The following SLC36A3 variants were observed in gnomAD, a reference collection of about 807,000 sequenced individuals.
SLC36A3 encodes solute carrier family 36 member 3, also known as proton-coupled amino acid transporter 3.
SLC36A3 carries 35 observed loss-of-function variants against 44.3 expected under a neutral mutation model. The observed-to-expected ratio is 0.79, with a 90% CI of 0.60 to 1.05. The LOEUF (loss-of-function observed/expected upper bound fraction) is 1.05, where lower values mean the gene tolerates loss of function less well. Among genes scored for constraint, SLC36A3 ranks in the 50% least tolerant of loss-of-function variants. The pLI, the probability that SLC36A3 is intolerant of heterozygous loss-of-function variation, is 0.00. For missense variants in SLC36A3, 540 were observed against 578.7 expected (o/e 0.93, Z 0.69); for synonymous variants, 211 against 227.6 (o/e 0.93, Z 0.66).
chr5:151,300,421 G>T (rs548845372), intron 1 of SLC36A3, among the ~76,000 whole-genome samples: 1 of 152,282 alleles, frequency 6.6e-6, no homozygotes, highest in East Asian at 1.9e-4. Context: ...CTAAGGATGG[G>T]GGGGTGGGCA....
intron 1 of SLC36A3, 28 bp from the exon 2 acceptor site, chr5:151,298,711 G>A (rs779604407): frequency 2.2e-5 from 35 of 1,610,452 alleles, no homozygotes; most frequent in Non-Finnish European, 2.7e-5. Context: ...GGGAGACAGA[G>A]GGTACTGTTA....
chr5:151,277,695 T>G (rs201805711), intron 9 of SLC36A3, 34 bp from the exon 10 acceptor site: 1 of 1,601,300 alleles, frequency 6.2e-7, no homozygotes, highest in Non-Finnish European at 8.5e-7. Context: ...AATCACTGAA[T>G]GTGCTCAGAA....
intron 5 of SLC36A3, 26 bp downstream of exon 5, chr5:151,288,360 A>C (rs1754625528): frequency 1.3e-6 from 2 of 1,557,608 alleles, no homozygotes; most frequent in Non-Finnish European, 1.7e-6. Context: ...CTTTTCCCCC[A>C]CTCTGCCCAG....
chr5:151,284,591 G>T, intron 7 of SLC36A3, 22 bp downstream of exon 7: 1 of 1,580,816 alleles, frequency 6.3e-7, no homozygotes, highest in Middle Eastern at 1.7e-4. Flanking sequence ...GGGACCATTC[G>T]CGTGAACCCC....
intron 8 of SLC36A3, among the ~76,000 whole-genome samples, chr5:151,283,363 C>A (rs977495116): frequency 6.6e-6 from 1 of 152,182 alleles, no homozygotes; most frequent in Non-Finnish European, 1.5e-5. Context: ...GTGAGGTTCA[C>A]ACCAGCAGGT....
chr5:151,291,691 GAC>G (rs1350448445), intron 4 of SLC36A3, among the ~76,000 whole-genome samples: 1 of 152,122 alleles, frequency 6.6e-6, no homozygotes, highest in Admixed American at 6.5e-5. Flanking sequence ...GCTATTATGA[GAC>G]ACACATAGCT....
chr5:151,282,217 G>A (rs529337761), intron 8 of SLC36A3, among the ~76,000 whole-genome samples: 1 of 140,094 alleles, frequency 7.1e-6, no homozygotes, highest in Admixed American at 7.6e-5. Context: ...AGGCTGAGAA[G>A]CGATGCAACG....
Position 151,293,371 on chromosome 5 carries a change from A to G in SLC36A3, c.397T>C (p.Trp133Arg). The G allele has an allele frequency of 1.2e-6, 2 of 1,613,004 alleles. No individual in the cohort carries two copies. Among genetic ancestry groups the G allele is most frequent in the Non-Finnish European group, 8.5e-7 (1 of 1,179,316 alleles). Residue 133 changes from tryptophan (W) to arginine (R), a missense_variant, in exon 4 of 10, where the codon TGG becomes CGG. By Grantham distance (101) the Trp-to-Arg change is moderately radical. Transcript: ENST00000335230. ...PNTWLRAHAV[W>R]GRYTVSFLLV... ...AACATCTGTGACTACTACCTTCCCC[A>G]CACTGCATGGGCCCTCAGCCAGGTG...
intron 1 of SLC36A3, among the ~76,000 whole-genome samples, chr5:151,299,225 G>GCTCTCTCTCTCTCTCTCTCT (rs61382152): frequency 2.2e-5 from 2 of 92,384 alleles, no homozygotes; most frequent in Non-Finnish European, 4.1e-5. Flanking sequence ...TTGCTTGTGC[G>GCTCTCTCTCTCTCTCTCTCT]CTCTCTCTCT....
chr5:151,280,970 C>T, intron 9 of SLC36A3, 44 bp downstream of exon 9: 1 of 1,611,440 alleles, frequency 6.2e-7, no homozygotes, highest in Non-Finnish European at 8.5e-7. Context: ...AGCGTGGCTC[C>T]CTGTCATAGC....
chr5:151,293,404 A>C lies in SLC36A3; in HGVS notation c.364T>G (p.Cys122Gly), dbSNP rs756186377. Residue 122 changes from cysteine to glycine, a missense_variant, in exon 4 of 10, where the codon TGC becomes GGC. Cys to Gly is a radical substitution (Grantham distance 159). Coordinates refer to ENST00000335230, the MANE Select transcript of SLC36A3 (RefSeq NM_181774.4). ...GEATMYGLET[C>G]PNTWLRAHAV... is the part of the protein sequence containing the mutation. Reference sequence around the variant, plus strand: ...TGGGCCCTCAGCCAGGTGTTCGGGCAGGTTTCAAGGCCGTACATCGTGGCC... The same window carrying C: ...TGGGCCCTCAGCCAGGTGTTCGGGCCGGTTTCAAGGCCGTACATCGTGGCC... 9.9e-6 allele frequency: 16 copies of C among 1,613,780 alleles called. No homozygotes were observed. The highest frequency in any genetic ancestry group is 1.3e-5 in the Non-Finnish European group (15 of 1,179,852).
intron 4 of SLC36A3, chr5:151,289,199 C>G (rs951701853): frequency 3.9e-5 from 6 of 152,104 alleles, no homozygotes; most frequent in African/African-American, 7.3e-5. Context: ...TACATATATA[C>G]AGTTTCTATT....
intron 4 of SLC36A3, among the ~76,000 whole-genome samples, chr5:151,289,863 T>C (rs1367248134): frequency 6.6e-6 from 1 of 152,230 alleles, no homozygotes; most frequent in Non-Finnish European, 1.5e-5. Context: ...ATTGGAAATG[T>C]ACATTTTCCC....
intron 1 of SLC36A3, among the ~76,000 whole-genome samples, chr5:151,301,060 C>G (rs963284214): frequency 2.0e-5 from 3 of 152,212 alleles, no homozygotes; most frequent in Non-Finnish European, 4.4e-5. Context: ...ATTGAAACTG[C>G]CTTTGCAAAA....
intron 7 of SLC36A3, 65 bp from the exon 8 acceptor site, chr5:151,284,275 A>ACG: frequency 2.7e-6 from 4 of 1,497,924 alleles, no homozygotes; most frequent in Non-Finnish European, 3.6e-6. Flanking sequence ...TGTGAAGGAG[A>ACG]GGGTTCCCGT....
At chr5:151,296,091 C>G (rs1754948330) in intron 3 of SLC36A3, 89 bp downstream of exon 3, 1 of 1,255,562 alleles carries the variant, frequency 8.0e-7, no homozygotes, top group Non-Finnish European at 1.2e-6. Context: ...GGAGCAGTGG[C>G]CGAATTAATT....
In SLC36A3 at chr5:151,284,610, T is replaced by TA. The variant is rs750149664; in HGVS notation, c.807+2dup. The TA allele has an allele frequency of 6.8e-6, 11 of 1,608,502 alleles. No individual in the cohort carries two copies. Among genetic ancestry groups the TA allele is most frequent in the Non-Finnish European group, 8.5e-6 (10 of 1,176,592 alleles). ...CCATTCGCGTGAACCCCATCAATCT[T>TA]ACCATACCGACGCCTTCAAATGTGA... On this transcript the variant is annotated splice_region_variant and intron_variant, in intron 7 of 9. Coordinates refer to ENST00000335230, the MANE Select transcript of SLC36A3 (RefSeq NM_181774.4).
chr5:151,298,795 A>G, intron 1 of SLC36A3, 112 bp from the exon 2 acceptor site: 1 of 961,252 alleles, frequency 1.0e-6, no homozygotes, highest in Non-Finnish European at 1.6e-6. Flanking sequence ...AGAGGGGCAA[A>G]ACCTGATGAG....
chr5:151,295,556 C>T (rs1360562890), intron 3 of SLC36A3, among the ~76,000 whole-genome samples: 4 of 152,172 alleles, frequency 2.6e-5, no homozygotes, highest in Admixed American at 1.3e-4. Context: ...TTCACATTTA[C>T]GAGGACCTAT....
Sources: allele counts gnomAD v4.1 joint callset (sites outside exome capture counted in the v4.1 genomes callset), GRCh38; gene constraint gnomAD v4.1.1; transcripts MANE v1.5; gene names NCBI Gene and HGNC (gene_info 2026-07-23, HGNC 2026-07-21).